Variants in CNTNAP5 observed in about 807,000 individuals in gnomAD.
The protein encoded by CNTNAP5 is contactin associated protein family member 5, also known as contactin-associated protein-like 5.
Under a neutral mutation model 150.2 loss-of-function variants are expected in CNTNAP5, and 72 were observed. The ratio of observed to expected loss-of-function variants is 0.48; its 90% CI spans 0.40 to 0.58. The LOEUF is 0.58. Ranked by LOEUF, CNTNAP5 falls within the 20% of genes least tolerant of loss-of-function variation. The pLI, the probability that CNTNAP5 is intolerant of heterozygous loss-of-function variation, is 0.00. For synonymous variants in CNTNAP5, 672 were observed against 619.8 expected, an observed-to-expected ratio of 1.08 and a Z score of -1.25; for missense variants, 1,636 against 1,626.2, an observed-to-expected ratio of 1.01 and a Z score of -0.10.
At chr2:124,326,079 T>G (rs186089308) in intron 3 of CNTNAP5, among the ~76,000 whole-genome samples, 9 of 152,210 alleles carry the variant, frequency 5.9e-5, no homozygotes, top group Admixed American at 1.3e-4. Context: ...ATTAAATGTT[T>G]GCAAAATGTG....
intron 3 of CNTNAP5, among the ~76,000 whole-genome samples, chr2:124,320,527 A>C (rs779979): frequency 0.51 from 78,081 of 151,924 alleles, 21,455 homozygotes; most frequent in African/African-American, 0.7. Flanking sequence ...ACAGCCACTG[A>C]CATGCAAGCT....
chr2:124,555,661 T>G (rs559112274), intron 10 of CNTNAP5, among the ~76,000 whole-genome samples: 1 of 152,326 alleles, frequency 6.6e-6, no homozygotes, highest in African/African-American at 2.4e-5. Context: ...GTCTGAAATT[T>G]TCTGACATTA....
chr2:124,552,481 C>T (rs142870318), intron 10 of CNTNAP5, among the ~76,000 whole-genome samples: 1 of 152,272 alleles, frequency 6.6e-6, no homozygotes, highest in Admixed American at 6.5e-5. Flanking sequence ...TTCTTTTGTC[C>T]AGCTGGTCTC....
chr2:124,179,646 T>A (rs1475082621), intron 1 of CNTNAP5, among the ~76,000 whole-genome samples: 1 of 152,208 alleles, frequency 6.6e-6, no homozygotes, highest in Non-Finnish European at 1.5e-5. Flanking sequence ...TCATTCAAGA[T>A]GAAAATGCTT....
At chr2:124,650,288 C>T (rs143950810) in intron 13 of CNTNAP5, among the ~76,000 whole-genome samples, 4 of 152,308 alleles carry the variant, frequency 2.6e-5, no homozygotes, top group Non-Finnish European at 5.9e-5. Flanking sequence ...CCAGACTAGA[C>T]ACTGCTTGTG....
intron 12 of CNTNAP5, 65 bp downstream of exon 12, chr2:124,609,985 T>A: frequency 6.5e-7 from 1 of 1,532,706 alleles, no homozygotes; most frequent in Non-Finnish European, 8.9e-7. Flanking sequence ...CAAAAATAAA[T>A]TCACTGGAGG....
At chr2:124,761,277 A>C (rs1037425294) in intron 14 of CNTNAP5, among the ~76,000 whole-genome samples, 1 of 152,106 alleles carries the variant, frequency 6.6e-6, no homozygotes, top group Non-Finnish European at 1.5e-5. Context: ...CCTGTCACTC[A>C]CAAATTTAAT....
At chr2:124,227,633 CGTGTGTATGT>C (rs1370658586) in intron 2 of CNTNAP5, among the ~76,000 whole-genome samples, 37 of 122,020 alleles carry the variant, frequency 3.0e-4, no homozygotes, top group African/African-American at 7.3e-4. Context: ...CTCAGCACAT[CGTGTGTATGT>C]GTGTGTGTGT....
At chr2:124,542,489 C>T (rs1174480398) in intron 10 of CNTNAP5, among the ~76,000 whole-genome samples, 1 of 151,774 alleles carries the variant, frequency 6.6e-6, no homozygotes, top group Non-Finnish European at 1.5e-5. Flanking sequence ...CAGAAGTGCA[C>T]CACTGCCTGC....
intron 1 of CNTNAP5, among the ~76,000 whole-genome samples, chr2:124,196,172 A>T (rs1182756049): frequency 6.6e-6 from 1 of 152,010 alleles, no homozygotes; most frequent in Non-Finnish European, 1.5e-5. Context: ...TCAAGATATT[A>T]CCTCTGATGA....
chr2:124,447,650 C>T (rs1230905747), intron 6 of CNTNAP5, among the ~76,000 whole-genome samples: 2 of 152,072 alleles, frequency 1.3e-5, no homozygotes, highest in African/African-American at 2.4e-5. Context: ...GTGGATGAAG[C>T]CCCTGTCACT....
In CNTNAP5 at chr2:124,345,848, C is replaced by T. The variant is rs1689725451; in HGVS notation, c.382-71595C>T. Among the ~76,000 whole-genome samples the T allele has an allele frequency of 2.0e-5, 3 of 152,138 alleles. No homozygotes were observed. In the South Asian group the frequency reaches 6.2e-4, roughly 32 times the overall value. On this transcript the variant is annotated intron_variant, in intron 3 of 23. Coordinates refer to ENST00000682447, the MANE Select transcript of CNTNAP5 (RefSeq NM_001367498.1). ...TTCCCTCCCTCTTGCTTACATTTACCCAAAGCACCAATCAGCTTGAACTAG... is the reference window on the plus strand; with the variant it reads ...TTCCCTCCCTCTTGCTTACATTTACTCAAAGCACCAATCAGCTTGAACTAG...
chr2:124,311,578 G>C (rs1416390668), intron 3 of CNTNAP5, among the ~76,000 whole-genome samples: 2 of 152,144 alleles, frequency 1.3e-5, no homozygotes, highest in Non-Finnish European at 2.9e-5. Flanking sequence ...GTTCACATTG[G>C]GGGCTAAGGT....
intron 2 of CNTNAP5, among the ~76,000 whole-genome samples, chr2:124,236,174 C>T (rs1031573909): frequency 2.0e-5 from 3 of 152,090 alleles, no homozygotes; most frequent in Non-Finnish European, 4.4e-5. Context: ...CCATGTTGGC[C>T]ACACTGGTCT....
intron 13 of CNTNAP5, among the ~76,000 whole-genome samples, chr2:124,692,736 A>T (rs1679323250): frequency 6.6e-6 from 1 of 152,168 alleles, no homozygotes; most frequent in South Asian, 2.1e-4. Context: ...AAAGTTAAGT[A>T]AAACATATTC....
intron 3 of CNTNAP5, among the ~76,000 whole-genome samples, chr2:124,382,240 T>C (rs1207372834): frequency 2.6e-5 from 4 of 152,040 alleles, no homozygotes; most frequent in African/African-American, 9.7e-5. Context: ...GGAAAGAAGG[T>C]AGTCTATGCG....
intron 6 of CNTNAP5, among the ~76,000 whole-genome samples, chr2:124,461,182 T>C (rs1473273779): frequency 6.6e-6 from 1 of 152,102 alleles, no homozygotes; most frequent in Non-Finnish European, 1.5e-5. Flanking sequence ...ACTGGGTATA[T>C]ACCCAAAAGA....
chr2:124,090,811 A>T (rs1246688946), intron 1 of CNTNAP5, among the ~76,000 whole-genome samples: 1 of 152,184 alleles, frequency 6.6e-6, no homozygotes, highest in African/African-American at 2.4e-5. Flanking sequence ...ACCTGTTAGA[A>T]ATCTGAGACT....
At chr2:124,242,051 G>C in intron 2 of CNTNAP5, 149 bp from the exon 3 acceptor site, 2 of 619,646 alleles carry the variant, frequency 3.2e-6, no homozygotes, top group South Asian at 2.1e-5. Context: ...GTACCAGGGG[G>C]TTAAGTACAG....
Sources: gnomAD v4.1 joint callset for allele counts (sites outside exome capture counted in the v4.1 genomes callset) on GRCh38, gnomAD v4.1.1 for gene constraint, MANE v1.5 for transcripts, NCBI Gene and HGNC (gene_info 2026-07-23, HGNC 2026-07-21) for gene names.